Variants in TMEM63A observed in about 807,000 individuals in gnomAD.
TMEM63A encodes the protein mechanosensitive cation channel TMEM63A.
In TMEM63A, 76 loss-of-function variants were observed where a neutral mutation model predicts 100.6. That is an observed-to-expected ratio of 0.76 (90% CI 0.63 to 0.91). TMEM63A has a LOEUF of 0.91. TMEM63A is among the 40% of genes least tolerant of loss of function. The pLI is 0.00. For synonymous variants in TMEM63A, 401 were observed against 401.1 expected, an observed-to-expected ratio of 1.00 and a Z score of 0.00; for missense variants, 876 against 1,008.8, an observed-to-expected ratio of 0.87 and a Z score of 1.78.
Position 225,871,218 on chromosome 1 carries a change from TA to T in TMEM63A, c.334-106del. On this transcript the variant is annotated intron_variant, in intron 5 of 24. Coordinates refer to ENST00000366835, the MANE Select transcript of TMEM63A (RefSeq NM_014698.3). Reference sequence around the variant, plus strand: ...AATAACCATTTAACCTCCTGTTGTATAAAAAACAGTGCTTTTATCCCATATT... The same window carrying T: ...AATAACCATTTAACCTCCTGTTGTATAAAAACAGTGCTTTTATCCCATATT... The T allele has an allele frequency of 5.0e-6, 6 of 1,198,136 alleles. No homozygotes were observed. The Admixed American group carries it at 1.2e-4, about 24-fold the overall frequency. The allele number at this position is 1,198,136 out of a possible 1,614,324, so 74.2% of individuals were successfully genotyped here.
intron 22 of TMEM63A, 132 bp downstream of exon 22, chr1:225,848,765 A>C: frequency 1.1e-6 from 1 of 886,306 alleles, no homozygotes; most frequent in South Asian, 1.6e-5. Context: ...CGCCTTTCCC[A>C]TGGAGAAGCA....
In TMEM63A at chr1:225,867,839, T is replaced by C; in HGVS notation, c.514+49A>G. 6.2e-7 allele frequency: 1 copy of C among 1,610,982 alleles called. No homozygotes were observed. The highest frequency in any genetic ancestry group is 8.5e-7 in the Non-Finnish European group (1 of 1,178,092). ...CCACAGTGAGCCCTTTCCCTAGGAC[T>C]GCCACTCTGCCCCATTACAACATAG... On this transcript the variant is annotated intron_variant, in intron 7 of 24. Coordinates refer to ENST00000366835, the MANE Select transcript of TMEM63A (RefSeq NM_014698.3). This position sits in a 1 kb window ranked among gnomAD's most constrained non-coding sequence, Gnocchi z 4.6.
At chr1:225,852,606 G>T in intron 20 of TMEM63A, 58 bp downstream of exon 20, 1 of 1,540,824 alleles carries the variant, frequency 6.5e-7, no homozygotes, top group Non-Finnish European at 9.0e-7. Context: ...CGAGAGGTTT[G>T]GTGCAATCAG....
rs974099437 is a variant in TMEM63A at position 225,860,880 on chromosome 1, A to G, written c.1203T>C (p.Ala401=). 6.2e-7 allele frequency: 1 copy of G among 1,611,102 alleles called. No individual in the cohort carries two copies. Among genetic ancestry groups the G allele is most frequent in the African/African-American group, 1.3e-5 (1 of 74,920 alleles). ...YTSKWTVTFA[A]DPEDICWKNL... is the part of the protein sequence containing the mutation. The stretch of plus-strand genomic sequence containing the variant: ...CTTACCAGCAGATGTCCTCAGGGTC[A>G]GCAGCAAAGGTGACTGTCCACTTGG... Residue 401 remains alanine, a synonymous_variant, in exon 14 of 25, where the codon GCT becomes GCC. Coordinates refer to ENST00000366835, the MANE Select transcript of TMEM63A (RefSeq NM_014698.3).
intron 21 of TMEM63A, among the ~76,000 whole-genome samples, chr1:225,849,497 A>G (rs1669214002): frequency 6.6e-6 from 1 of 152,220 alleles, no homozygotes; most frequent in Non-Finnish European, 1.5e-5. Flanking sequence ...AATCTGGATC[A>G]GCTTCCCCAT....
chr1:225,860,738 C>T (rs2102617831), intron 14 of TMEM63A, 122 bp downstream of exon 14: 2 of 1,281,934 alleles, frequency 1.6e-6, no homozygotes, highest in East Asian at 2.6e-5. Flanking sequence ...TCACAGCCCA[C>T]AGAATTGCAG....
intron 20 of TMEM63A, among the ~76,000 whole-genome samples, chr1:225,850,915 G>C (rs1357618510): frequency 3.9e-5 from 6 of 152,084 alleles, no homozygotes; most frequent in Non-Finnish European, 8.8e-5. Context: ...GTTTCACCAT[G>C]TTAACCAGGA....
downstream of TMEM63A, chr1:225,845,213 T>C (rs562914405): frequency 5.6e-6 from 9 of 1,614,148 alleles, no homozygotes; most frequent in Admixed American, 1.5e-4. Context: ...GCCTGAAAAG[T>C]GGGTGAGGTT....
At position 225,852,722 on chromosome 1, in the gene TMEM63A, C is replaced by T. The variant is rs1262859760; in HGVS notation, c.1845G>A (p.Leu615=). Residue 615 remains leucine (L), a synonymous_variant, in exon 20 of 25, where the codon CTG becomes CTA. Coordinates refer to ENST00000366835, the MANE Select transcript of TMEM63A (RefSeq NM_014698.3). ...AGGCCACGATGACAGTGAAGACACACAGCATCCATGCATACATGGCTCCAA... is the reference window on the plus strand; with the variant it reads ...AGGCCACGATGACAGTGAAGACACATAGCATCCATGCATACATGGCTCCAA... The part of the protein sequence containing the change: ...YEFGAMYAWM[L]CVFTVIVAYS... The T allele has an allele frequency of 4.3e-6, 7 of 1,613,974 alleles. No individual in the cohort carries two copies. Among genetic ancestry groups the T allele is most frequent in the Admixed American group, 1.7e-5 (1 of 60,030 alleles).
downstream of TMEM63A, chr1:225,844,553 A>G (rs775712910): frequency 1.2e-6 from 2 of 1,614,016 alleles, no homozygotes; most frequent in African/African-American, 1.3e-5. Flanking sequence ...GACAACAGGC[A>G]CCATCATCTC....
Position 225,865,782 on chromosome 1 carries a change from C to T in TMEM63A, c.746+115G>A. ...GGGCCAGGTCCTTCTCAGATCTCAC[C>T]TGGATACCCAAGCGAGAGACAGAAG... On this transcript the variant is annotated intron_variant, in intron 10 of 24. Coordinates refer to ENST00000366835, the MANE Select transcript of TMEM63A (RefSeq NM_014698.3). This position sits in a 1 kb window ranked among gnomAD's most constrained non-coding sequence, Gnocchi z 4.6. 1 of 1,061,716 alleles carries T rather than the reference C, an allele frequency of 9.4e-7. No individual in the cohort carries two copies. The highest frequency in any genetic ancestry group is 1.4e-6 in the Non-Finnish European group (1 of 716,154). The allele number at this position is 1,061,716 out of a possible 1,614,324, so 65.8% of individuals were successfully genotyped here.
Position 225,859,273 on chromosome 1 carries a change from A to ACC in TMEM63A, c.1299_1300insGG (p.Phe434GlyfsTer4), listed in dbSNP as rs1559040750. The stretch of plus-strand genomic sequence containing the variant: ...ATGATGGAGGGTGTGGTCAGGAAAA[A>ACC]TAGCCCCAGGAAGAGGGTGAAGTTG... On this transcript the variant is annotated frameshift_variant, in exon 15 of 25. Transcript: ENST00000366835. LOFTEE classifies it high-confidence loss of function. The ACC allele has an allele frequency of 6.2e-7, 1 of 1,614,016 alleles. No individual in the cohort carries two copies. Among genetic ancestry groups the ACC allele is most frequent in the Non-Finnish European group, 8.5e-7 (1 of 1,180,034 alleles).
downstream of TMEM63A, among the ~76,000 whole-genome samples, chr1:225,843,664 G>A (rs974930139): frequency 6.6e-6 from 1 of 152,190 alleles, no homozygotes; most frequent in African/African-American, 2.4e-5. Context: ...CCAAATCCCT[G>A]AGCAGGAGGT....
Position 225,846,852 on chromosome 1 carries a change from G to C in TMEM63A, c.*87C>G. On this transcript the variant is annotated 3_prime_UTR_variant, in exon 25 of 25. Transcript: ENST00000366835. ...AAGATGGGCACCTGATAGCTCAGCT[G>C]GGCAGTCCCAACGCATTCCCACTCA... 1 of 648,806 alleles carries C rather than the reference G, an allele frequency of 1.5e-6. No individual in the cohort carries two copies. The highest frequency in any genetic ancestry group is 2.4e-6 in the Non-Finnish European group (1 of 409,522). 40.2% of individuals were successfully genotyped at this position (648,806 alleles called of 1,614,324 possible). A position where few individuals can be genotyped will look rare whatever the true frequency, so the allele number is the denominator to read the frequency against.
intron 14 of TMEM63A, 35 bp from the exon 15 acceptor site, chr1:225,859,384 T>TG (rs762045812): frequency 2.5e-6 from 4 of 1,610,974 alleles, no homozygotes; most frequent in South Asian, 2.2e-5. Flanking sequence ...TCTCGAGGCT[T>TG]GTCTCCCAGT....
At position 225,852,762 on chromosome 1, in the gene TMEM63A, G is replaced by A. The variant is rs1307718845; in HGVS notation, c.1805C>T (p.Ala602Val). Residue 602 changes from alanine (A) to valine (V), a missense_variant, in exon 20 of 25, where the codon GCC (alanine) becomes GTC (valine). Ala to Val is a moderately conservative substitution (Grantham distance 64, BLOSUM62 0). Transcript: ENST00000366835. Reference sequence around the variant, plus strand: ...CATGGCTCCAAACTCGTACTGGAAGGCCTGGTTCTGGGAGGAGGAGGTGGT... The same window carrying A: ...CATGGCTCCAAACTCGTACTGGAAGACCTGGTTCTGGGAGGAGGAGGTGGT... ...ADRRNVKQNQ[A>V]FQYEFGAMYA... is the part of the protein sequence containing the mutation. 4.3e-6 allele frequency: 7 copies of A among 1,613,920 alleles called. No homozygotes were observed. The highest frequency in any genetic ancestry group is 4.2e-6 in the Non-Finnish European group (5 of 1,180,006).
At chr1:225,881,016 C>T (rs992673871) in intron 1 of TMEM63A, among the ~76,000 whole-genome samples, 1 of 152,218 alleles carries the variant, frequency 6.6e-6, no homozygotes. Flanking sequence ...AGCTCCAGGC[C>T]TTCTGCCTCA....
At chr1:225,854,184 C>T (rs1217862422) in intron 18 of TMEM63A, among the ~76,000 whole-genome samples, 1 of 152,196 alleles carries the variant, frequency 6.6e-6, no homozygotes, top group East Asian at 1.9e-4. Context: ...CATCCCCAAA[C>T]CTGGGAAGAC....
At chr1:225,847,488 C>A in intron 23 of TMEM63A, 1 of 357,316 alleles carries the variant, frequency 2.8e-6, no homozygotes, top group Non-Finnish European at 5.1e-6. Flanking sequence ...ACTTCCTAGC[C>A]CTGGATCCTA....
Sources: gnomAD v4.1 joint callset for allele counts (sites outside exome capture counted in the v4.1 genomes callset) on GRCh38, gnomAD v4.1.1 for gene constraint, Gnocchi (gnomAD v3.1) non-coding constraint, MANE v1.5 for transcripts, NCBI Gene and HGNC (gene_info 2026-07-23, HGNC 2026-07-21) for gene names.